Variants in ZNF385D observed in about 807,000 individuals in gnomAD.
ZNF385D encodes zinc finger protein 385D.
ZNF385D carries 15 observed loss-of-function variants against 35.8 expected under a neutral mutation model. The ratio of observed to expected loss-of-function variants is 0.42; its 90% CI spans 0.28 to 0.64. The LOEUF (loss-of-function observed/expected upper bound fraction) is 0.64. ZNF385D is among the 30% of genes least tolerant of loss of function. ZNF385D has a pLI of 0.23. For missense variants in ZNF385D, 474 were observed against 494.6 expected, an observed-to-expected ratio of 0.96 and a Z score of 0.39; for synonymous variants, 212 against 186.8, an observed-to-expected ratio of 1.13 and a Z score of -1.10.
At chr3:21,810,049 T>C (rs960277749) in intron 3 of ZNF385D, among the ~76,000 whole-genome samples, 2 of 152,164 alleles carry the variant, frequency 1.3e-5, no homozygotes, top group African/African-American at 2.4e-5. Context: ...AACACCAGCA[T>C]GTCCTTGATA....
chr3:21,477,197 G>A (rs745449159), intron 4 of ZNF385D, among the ~76,000 whole-genome samples: 47 of 152,114 alleles, frequency 3.1e-4, no homozygotes, highest in Non-Finnish European at 6.2e-4. Context: ...CTGGGTGAGA[G>A]CCTGGTTGAG....
rs559718093 is a variant in ZNF385D at position 22,036,980 on chromosome 3, G to C, written c.325+131837C>G. Reference sequence around the variant, plus strand: ...ATGTGGTGTTTGGTTTTTTGTCCCTGTGATAGTTTGCTGAGAATGATGGTT... The same window carrying C: ...ATGTGGTGTTTGGTTTTTTGTCCCTCTGATAGTTTGCTGAGAATGATGGTT... On this transcript the variant is annotated intron_variant, in intron 3 of 5. Coordinates refer to the ZNF385D transcript ENST00000494108. Among the ~76,000 whole-genome samples the C allele has an allele frequency of 8.7e-4, 131 of 150,502 alleles. 1 individual carries two copies. Among genetic ancestry groups the C allele is most frequent in the African/African-American group, 3.1e-3 (127 of 40,888 alleles).
intron 1 of ZNF385D, among the ~76,000 whole-genome samples, chr3:21,700,013 G>A (rs568315239): frequency 1.8e-3 from 273 of 151,882 alleles, no homozygotes; most frequent in Non-Finnish European, 3.1e-3. Flanking sequence ...TGTATTTTTA[G>A]TAGAGACAGG....
chr3:22,038,554 C>T (rs1698474098), intron 3 of ZNF385D, among the ~76,000 whole-genome samples: 1 of 152,210 alleles, frequency 6.6e-6, no homozygotes, highest in East Asian at 1.9e-4. Flanking sequence ...AATCTACAGG[C>T]TGAAATAAAA....
chr3:21,553,171 C>T (rs2062622818), intron 3 of ZNF385D, among the ~76,000 whole-genome samples: 1 of 152,136 alleles, frequency 6.6e-6, no homozygotes. Context: ...AAGAACATAA[C>T]CTTGCAGACA....
At chr3:21,897,454 G>T (rs569332614) in intron 3 of ZNF385D, among the ~76,000 whole-genome samples, 1 of 152,104 alleles carries the variant, frequency 6.6e-6, no homozygotes, top group South Asian at 2.1e-4. Flanking sequence ...TTTATTTTAT[G>T]CCCCTTACGG....
chr3:21,928,097 G>T (rs1215051104), intron 3 of ZNF385D, among the ~76,000 whole-genome samples: 4 of 152,032 alleles, frequency 2.6e-5, no homozygotes, highest in Non-Finnish European at 2.9e-5. Flanking sequence ...GGTGGTGTGT[G>T]CCTGTACTCC....
At chr3:22,164,074 G>A (rs1471042798) in intron 3 of ZNF385D, among the ~76,000 whole-genome samples, 1 of 152,092 alleles carries the variant, frequency 6.6e-6, no homozygotes, top group African/African-American at 2.4e-5. Context: ...GGGGATATGG[G>A]GGATAGGTAA....
intron 4 of ZNF385D, among the ~76,000 whole-genome samples, chr3:21,493,177 T>C (rs1705562125): frequency 6.6e-6 from 1 of 152,072 alleles, no homozygotes; most frequent in Non-Finnish European, 1.5e-5. Context: ...TATGTATCAA[T>C]AACTGAAAAT....
chr3:22,303,864 A>T (rs1416304553), intron 2 of ZNF385D, among the ~76,000 whole-genome samples: 2 of 151,814 alleles, frequency 1.3e-5, no homozygotes, highest in East Asian at 3.9e-4. Flanking sequence ...TGCAAACTCC[A>T]TCTCCGAGGT....
In ZNF385D at chr3:22,240,201, A is replaced by AAAAAAAAAAAAAG. The variant is rs374166678; in HGVS notation, c.107-71167_107-71166insCTTTTTTTTTTTT. Among the ~76,000 whole-genome samples, 11 of 121,044 alleles carry AAAAAAAAAAAAAG rather than the reference A, an allele frequency of 9.1e-5. 3 individuals carry two copies. The highest frequency in any genetic ancestry group is 9.8e-5 in the Non-Finnish European group (6 of 61,000). The allele number at this position is 121,044 out of a possible 152,430, so 79.4% of individuals were successfully genotyped here. A position where few individuals can be genotyped will look rare whatever the true frequency, so the allele number is the denominator to read the frequency against. Reference sequence around the variant, plus strand: ...CTGTCTCCAAAAAAAAAAAAAAAAAAAAGATTTCAGACACCTGGCTCCACC... The same window carrying AAAAAAAAAAAAAG: ...CTGTCTCCAAAAAAAAAAAAAAAAAAAAAAAAAAAAAAGAAGATTTCAGACACCTGGCTCCACC... On this transcript the variant is annotated intron_variant, in intron 2 of 5. Coordinates refer to the ZNF385D transcript ENST00000494108.
rs527325686 is a variant in ZNF385D at position 22,200,281 on chromosome 3, G to A, written c.107-31246C>T. 4.2e-4 allele frequency among the ~76,000 whole-genome samples: 64 copies of A among 152,124 alleles called. 1 individual carries two copies. In the South Asian group the frequency reaches 0.013, roughly 31 times the overall value. On this transcript the variant is annotated intron_variant, in intron 2 of 5. Transcript: ENST00000494108. ...TTCTTTTCTATTTTCCCTAAGCATT[G>A]GCCGGTTTGAGAAGTAAAGGGACAG... is the stretch of plus-strand genomic sequence containing the variant.
intron 1 of ZNF385D, among the ~76,000 whole-genome samples, chr3:21,671,610 T>C (rs2066577763): frequency 6.6e-6 from 1 of 152,182 alleles, no homozygotes; most frequent in Non-Finnish European, 1.5e-5. Flanking sequence ...TGATTTTTAA[T>C]GCACTGATAC....
At chr3:21,799,963 G>A (rs114597428) in intron 3 of ZNF385D, among the ~76,000 whole-genome samples, 49 of 152,008 alleles carry the variant, frequency 3.2e-4, no homozygotes, top group African/African-American at 7.7e-4. Flanking sequence ...TCATTTTTTC[G>A]CATGTAGATA....
intron 3 of ZNF385D, among the ~76,000 whole-genome samples, chr3:21,936,617 G>C (rs1701271843): frequency 6.6e-6 from 1 of 151,748 alleles, no homozygotes; most frequent in African/African-American, 2.4e-5. Context: ...TCCTCTACTA[G>C]AATGAAACTT....
chr3:21,999,811 TG>T (rs1408380228), intron 3 of ZNF385D, among the ~76,000 whole-genome samples: 1 of 150,150 alleles, frequency 6.7e-6, no homozygotes, highest in African/African-American at 2.4e-5. Flanking sequence ...CAAAAAGTGA[TG>T]AAGAAAAACT....
chr3:21,694,978 T>A (rs76484002), intron 1 of ZNF385D, among the ~76,000 whole-genome samples: 10 of 152,114 alleles, frequency 6.6e-5, no homozygotes, highest in African/African-American at 2.2e-4. Context: ...AGTCCCGGAG[T>A]TGAATTTTAG....
In ZNF385D at chr3:21,877,947, C is replaced by G. The variant is rs186525210; in HGVS notation, c.326-212919G>C. ...GATATACTATTAATTTTAATTACAACAGCAATGAAGATTTCATGATAAAAT... is the reference window on the plus strand; with the variant it reads ...GATATACTATTAATTTTAATTACAAGAGCAATGAAGATTTCATGATAAAAT... On this transcript the variant is annotated intron_variant, in intron 3 of 5. Coordinates refer to the ZNF385D transcript ENST00000494108. 1.8e-4 allele frequency: 28 copies of G among 152,144 alleles called. 1 individual carries two copies. Among genetic ancestry groups the G allele is most frequent in the African/African-American group, 6.5e-4 (27 of 41,564 alleles). The allele number at this position is 152,144 out of a possible 1,614,324, so 9.4% of individuals were successfully genotyped here.
chr3:21,798,926 G>C (rs1295677859), intron 3 of ZNF385D, among the ~76,000 whole-genome samples: 1 of 152,074 alleles, frequency 6.6e-6, no homozygotes, highest in African/African-American at 2.4e-5. Context: ...ATCCTCAAAA[G>C]AAAATCCCAT....
Sources: gnomAD v4.1 joint callset for allele counts (sites outside exome capture counted in the v4.1 genomes callset) on GRCh38, gnomAD v4.1.1 for gene constraint, MANE v1.5 for transcripts, NCBI Gene and HGNC (gene_info 2026-07-23, HGNC 2026-07-21) for gene names.